KCNQ5: variants seen among roughly 807,000 people sequenced by gnomAD.
The protein encoded by KCNQ5 is potassium voltage-gated channel subfamily Q member 5.
A neutral mutation model predicts 98.2 loss-of-function variants in KCNQ5; 30 were observed. The ratio of observed to expected loss-of-function variants is 0.31; its 90% CI spans 0.23 to 0.41. KCNQ5 has a LOEUF of 0.41. KCNQ5 is among the 10% of genes least tolerant of loss of function. The pLI, the probability that KCNQ5 is intolerant of heterozygous loss-of-function variation, is 1.00. For synonymous variants in KCNQ5, 458 were observed against 449.4 expected, an observed-to-expected ratio of 1.02 and a Z score of -0.24; for missense variants, 835 against 1,182.5, an observed-to-expected ratio of 0.71 and a Z score of 4.31.
intron 1 of KCNQ5, among the ~76,000 whole-genome samples, chr6:72,916,546 A>G (rs1562065805): frequency 6.6e-6 from 1 of 152,186 alleles, no homozygotes; most frequent in Non-Finnish European, 1.5e-5. Context: ...CCTAAGCACT[A>G]TCGGAGAAGA....
At chr6:72,868,323 C>T (rs1232149792) in intron 1 of KCNQ5, among the ~76,000 whole-genome samples, 1 of 152,186 alleles carries the variant, frequency 6.6e-6, no homozygotes, top group East Asian at 1.9e-4. Flanking sequence ...TAAAACATTT[C>T]TAATTAGTCA....
intron 3 of KCNQ5, among the ~76,000 whole-genome samples, chr6:73,063,864 G>A (rs1380621205): frequency 6.6e-6 from 1 of 152,096 alleles, no homozygotes. Flanking sequence ...ACTCTTTAAA[G>A]TGCTATCTTT....
chr6:73,198,171 GCTTT>G lies in KCNQ5; in HGVS notation c.*2760_*2763del, dbSNP rs1270787534. 6.6e-6 allele frequency: 1 copy of G among 152,190 alleles called. No homozygotes were observed. 9.4% of individuals were successfully genotyped at this position (152,190 alleles called of 1,614,324 possible). A position where few individuals can be genotyped will look rare whatever the true frequency, so the allele number is the denominator to read the frequency against. ...TTAGCTGAGCACTGAGTAGCCATAT[GCTTT>G]CTGAGTACAAGTGTGTCTGCCTTCT... is the stretch of plus-strand genomic sequence containing the variant. On this transcript the variant is annotated 3_prime_UTR_variant, in exon 14 of 14. Coordinates refer to ENST00000370398, the MANE Select transcript of KCNQ5 (RefSeq NM_019842.4).
rs1771592952 is a variant in KCNQ5, at chr6:72,749,924, A to C, written c.398+127337A>C. On this transcript the variant is annotated intron_variant, in intron 1 of 13. Transcript: ENST00000370398. Reference sequence around the variant, plus strand: ...CAGTCTTGAGTTAAGCTATAATTACAATGACAACAATGTCAAAAAGAAAAA... The same window carrying C: ...CAGTCTTGAGTTAAGCTATAATTACCATGACAACAATGTCAAAAAGAAAAA... 3.9e-5 allele frequency among the ~76,000 whole-genome samples: 6 copies of C among 152,030 alleles called. No individual in the cohort carries two copies. The South Asian group carries it at 1.3e-3, about 32-fold the overall frequency.
At chr6:72,802,042 C>G (rs1051118966) in intron 1 of KCNQ5, among the ~76,000 whole-genome samples, 7 of 152,132 alleles carry the variant, frequency 4.6e-5, no homozygotes, top group African/African-American at 1.7e-4. Context: ...CGACCTTTCT[C>G]TCTGGCTGTC....
chr6:73,189,906 C>T (rs1286221167), intron 11 of KCNQ5, among the ~76,000 whole-genome samples: 2 of 151,830 alleles, frequency 1.3e-5, no homozygotes, highest in Non-Finnish European at 2.9e-5. Context: ...GTGGCTCATG[C>T]CTGTAGTCCC....
chr6:73,194,435 AT>A lies in KCNQ5; in HGVS notation c.1837-13del. On this transcript the variant is annotated splice_polypyrimidine_tract_variant and intron_variant, in intron 13 of 13. Transcript: ENST00000370398. ...TAACAGATTATACTCATGTGTAACCATTTTCCTCACTTCTAGGTACAGTCCA... is the reference window on the plus strand; with the variant it reads ...TAACAGATTATACTCATGTGTAACCATTTCCTCACTTCTAGGTACAGTCCA... 2 of 1,589,256 alleles carry A rather than the reference AT, an allele frequency of 1.3e-6. No individual in the cohort carries two copies. The highest frequency in any genetic ancestry group is 1.7e-6 in the Non-Finnish European group (2 of 1,166,436).
intron 10 of KCNQ5, chr6:73,157,594 G>A (rs1777418716): frequency 3.9e-6 from 3 of 768,986 alleles, no homozygotes; most frequent in Middle Eastern, 2.3e-4. Flanking sequence ...CATGGAGGGC[G>A]GCGGCAACGG....
In KCNQ5 at chr6:72,785,414, C is replaced by T. The variant is rs551526343; in HGVS notation, c.398+162827C>T. Among the ~76,000 whole-genome samples, 158 of 152,008 alleles carry T rather than the reference C, an allele frequency of 1.0e-3. 1 individual carries two copies. The highest frequency in any genetic ancestry group is 2.2e-3 in the Admixed American group (34 of 15,262). ...CTGTAATCCCAGCACTTTGGGAGGC[C>T]GAGGCGGGTGGATCGCCTGAGGTCA... is the stretch of plus-strand genomic sequence containing the variant. On this transcript the variant is annotated intron_variant, in intron 1 of 13. Transcript: ENST00000370398.
intron 1 of KCNQ5, among the ~76,000 whole-genome samples, chr6:72,680,448 A>G (rs946237976): frequency 1.2e-4 from 18 of 152,222 alleles, no homozygotes; most frequent in Non-Finnish European, 2.1e-4. Flanking sequence ...TGTTTGGATC[A>G]GCTTATTTTG....
chr6:72,736,893 T>C (rs991205162), intron 1 of KCNQ5, among the ~76,000 whole-genome samples: 5 of 152,236 alleles, frequency 3.3e-5, no homozygotes, highest in African/African-American at 1.2e-4. Context: ...AAATTTGATG[T>C]GACAGTAAAC....
chr6:72,622,930 C>T lies in KCNQ5; in HGVS notation c.398+343C>T, dbSNP rs993813367. Reference sequence around the variant, plus strand: ...ACGTAAACTTCAACCGAACGGGGCGCCCGGGAGCTAGGGAATGCAAAGGGA... The same window carrying T: ...ACGTAAACTTCAACCGAACGGGGCGTCCGGGAGCTAGGGAATGCAAAGGGA... On this transcript the variant is annotated intron_variant, in intron 1 of 13. Transcript: ENST00000370398. This position sits in a 1 kb window ranked among gnomAD's most constrained non-coding sequence, Gnocchi z 6.0. Among the ~76,000 whole-genome samples the T allele has an allele frequency of 2.0e-5, 3 of 152,236 alleles. No individual in the cohort carries two copies. Among genetic ancestry groups the T allele is most frequent in the Admixed American group, 2.0e-4 (3 of 15,296 alleles).
At chr6:72,650,441 T>C (rs1456404990) in intron 1 of KCNQ5, among the ~76,000 whole-genome samples, 1 of 152,150 alleles carries the variant, frequency 6.6e-6, no homozygotes, top group Non-Finnish European at 1.5e-5. Context: ...TGCACATTTA[T>C]ATAGCTATGT....
At chr6:72,723,317 C>T (rs1437715303) in intron 1 of KCNQ5, among the ~76,000 whole-genome samples, 1 of 152,028 alleles carries the variant, frequency 6.6e-6, no homozygotes, top group African/African-American at 2.4e-5. Context: ...CTTAGAGTAC[C>T]TAACACATAG....
chr6:72,945,298 AACGTGC>A, intron 1 of KCNQ5, among the ~76,000 whole-genome samples: 1 of 151,996 alleles, frequency 6.6e-6, no homozygotes, highest in African/African-American at 2.4e-5. Context: ...ACATGTGCAC[AACGTGC>A]ACGTTAGTTA....
At chr6:73,170,461 C>T (rs980860109) in intron 11 of KCNQ5, among the ~76,000 whole-genome samples, 3 of 141,352 alleles carry the variant, frequency 2.1e-5, no homozygotes, top group African/African-American at 5.6e-5. Context: ...CACACACACA[C>T]GCAATCAAGA....
intron 11 of KCNQ5, among the ~76,000 whole-genome samples, chr6:73,171,803 G>A (rs558080137): frequency 6.6e-6 from 1 of 152,080 alleles, no homozygotes; most frequent in African/African-American, 2.4e-5. Context: ...TTCAGTCCAC[G>A]AATTAATCTG....
At chr6:72,931,699 C>A (rs1367366913) in intron 1 of KCNQ5, among the ~76,000 whole-genome samples, 1 of 152,148 alleles carries the variant, frequency 6.6e-6, no homozygotes, top group Non-Finnish European at 1.5e-5. Context: ...GAGGCTAAAA[C>A]AAAAGCCTTC....
intron 1 of KCNQ5, among the ~76,000 whole-genome samples, chr6:72,947,353 T>C (rs1766594858): frequency 6.6e-6 from 1 of 152,154 alleles, no homozygotes; most frequent in Non-Finnish European, 1.5e-5. Context: ...CATCAAAAAA[T>C]ATTTATTCAA....
Sources: gnomAD v4.1 joint callset for allele counts (sites outside exome capture counted in the v4.1 genomes callset) on GRCh38, gnomAD v4.1.1 for gene constraint, Gnocchi (gnomAD v3.1) non-coding constraint, MANE v1.5 for transcripts, NCBI Gene and HGNC (gene_info 2026-07-23, HGNC 2026-07-21) for gene names.